ARFIP1: variants seen among roughly 807,000 people sequenced by gnomAD.
ARFIP1 encodes the protein ARF interacting protein 1, also known as arfaptin-1.
Under a neutral mutation model 42.5 loss-of-function variants are expected in ARFIP1, and 24 were observed. The observed-to-expected ratio is 0.57, with a 90% CI of 0.41 to 0.80. ARFIP1 has a LOEUF of 0.80. ARFIP1 is among the 30% of genes least tolerant of loss of function. The pLI, the probability that ARFIP1 is intolerant of heterozygous loss-of-function variation, is 0.00. For missense variants in ARFIP1, 354 were observed against 434.0 expected, an observed-to-expected ratio of 0.82 and a Z score of 1.64; for synonymous variants, 141 against 153.7, an observed-to-expected ratio of 0.92 and a Z score of 0.61.
intron 2 of ARFIP1, among the ~76,000 whole-genome samples, chr4:152,843,644 C>T (rs1732288446): frequency 1.3e-5 from 2 of 152,074 alleles, no homozygotes; most frequent in South Asian, 4.1e-4. Flanking sequence ...AGTTGTGTAC[C>T]TAGGAGGATT....
intron 7 of ARFIP1, among the ~76,000 whole-genome samples, chr4:152,884,654 T>G (rs534810687): frequency 6.6e-6 from 1 of 152,026 alleles, no homozygotes; most frequent in Non-Finnish European, 1.5e-5. Flanking sequence ...CTCTTTCCCT[T>G]CAGCTTTTAT....
intron 5 of ARFIP1, among the ~76,000 whole-genome samples, chr4:152,875,905 C>T (rs1319684010): frequency 6.6e-6 from 1 of 152,022 alleles, no homozygotes; most frequent in Non-Finnish European, 1.5e-5. Flanking sequence ...GTGAATAAGT[C>T]TCACAAGATC....
intron 1 of ARFIP1, among the ~76,000 whole-genome samples, chr4:152,824,168 C>G (rs1419336920): frequency 1.3e-5 from 2 of 151,548 alleles, no homozygotes; most frequent in African/African-American, 4.9e-5. Flanking sequence ...CAAAAATTAG[C>G]TGGAAGTGTT....
At chr4:152,850,151 C>T (rs7669242) in intron 2 of ARFIP1, among the ~76,000 whole-genome samples, 7,657 of 152,208 alleles carry the variant, frequency 0.05, 662 homozygotes, top group African/African-American at 0.17. Context: ...TAGGCAGGCT[C>T]ATGGAACAGA....
chr4:152,884,406 T>C (rs554580470), intron 7 of ARFIP1, among the ~76,000 whole-genome samples: 31 of 152,146 alleles, frequency 2.0e-4, no homozygotes, highest in South Asian at 1.0e-3. Flanking sequence ...ATTTTTCTGT[T>C]CCTTGTTCAT....
rs1390158815 is a variant in ARFIP1 at position 152,803,093 on chromosome 4, T to C, written c.-10+22867T>C. On this transcript the variant is annotated intron_variant, in intron 1 of 8. Transcript: ENST00000353617. ...AGTGGAGATTTGTCCACTGTCCAAA[T>C]TGGCCAGTATGAAGAAAGGAGGGGG... 3.3e-5 allele frequency among the ~76,000 whole-genome samples: 5 copies of C among 152,072 alleles called. No individual in the cohort carries two copies. The East Asian group carries it at 7.7e-4, about 23-fold the overall frequency.
chr4:152,827,344 A>G lies in ARFIP1; in HGVS notation c.-9-2281A>G, dbSNP rs150458370. ...GTTCCCCTGTACTGCCTGTTCCCAT[A>G]CATGCACAACTGTTGACATCCCTCG... On this transcript the variant is annotated intron_variant, in intron 1 of 8. Transcript: ENST00000353617. Among the ~76,000 whole-genome samples, 13 of 152,302 alleles carry G rather than the reference A, an allele frequency of 8.5e-5. No individual in the cohort carries two copies. In the East Asian group the frequency reaches 1.5e-3, roughly 18 times the overall value.
At chr4:152,855,066 G>A (rs765619929) in intron 2 of ARFIP1, among the ~76,000 whole-genome samples, 79 of 152,354 alleles carry the variant, frequency 5.2e-4, no homozygotes, top group Admixed American at 1.6e-3. Flanking sequence ...TGGGTCCTGA[G>A]TAGTGTGCAT....
chr4:152,791,548 C>T (rs1430245175), intron 1 of ARFIP1, among the ~76,000 whole-genome samples: 3 of 152,044 alleles, frequency 2.0e-5, no homozygotes, highest in Non-Finnish European at 2.9e-5. Flanking sequence ...GAATATAAAC[C>T]TATTTTCATT....
chr4:152,815,157 T>G (rs927762747), intron 1 of ARFIP1, among the ~76,000 whole-genome samples: 1 of 152,104 alleles, frequency 6.6e-6, no homozygotes, highest in African/African-American at 2.4e-5. Flanking sequence ...TATCCCAGAG[T>G]GTAGTTTTTA....
chr4:152,888,639 A>G (rs1236475193), intron 8 of ARFIP1, among the ~76,000 whole-genome samples: 3 of 152,172 alleles, frequency 2.0e-5, no homozygotes, highest in East Asian at 1.9e-4. Flanking sequence ...AAGCTTTTCT[A>G]TTAATGATAG....
intron 3 of ARFIP1, among the ~76,000 whole-genome samples, chr4:152,868,128 A>G (rs1734561220): frequency 6.6e-6 from 1 of 152,240 alleles, no homozygotes; most frequent in African/African-American, 2.4e-5. Context: ...TCATCTATCT[A>G]GAGCAAATTA....
At chr4:152,896,899 G>A (rs1737383976) in intron 8 of ARFIP1, among the ~76,000 whole-genome samples, 1 of 152,120 alleles carries the variant, frequency 6.6e-6, no homozygotes, top group Non-Finnish European at 1.5e-5. Flanking sequence ...CTGTGTTGGT[G>A]AGAATAGAAA....
At chr4:152,847,394 A>G (rs1049913771) in intron 2 of ARFIP1, among the ~76,000 whole-genome samples, 2 of 151,498 alleles carry the variant, frequency 1.3e-5, no homozygotes, top group Admixed American at 6.6e-5. Flanking sequence ...TGGTCCCCCA[A>G]AGTGCTGGGA....
intron 1 of ARFIP1, among the ~76,000 whole-genome samples, chr4:152,818,067 A>G (rs1392035650): frequency 6.6e-6 from 1 of 152,238 alleles, no homozygotes; most frequent in Admixed American, 6.5e-5. Flanking sequence ...AAAATTAAAA[A>G]TAGTTCTTTT....
chr4:152,824,130 T>C (rs1420381193), intron 1 of ARFIP1, among the ~76,000 whole-genome samples: 17 of 151,926 alleles, frequency 1.1e-4, no homozygotes, highest in African/African-American at 4.1e-4. Flanking sequence ...CTGGCCAACA[T>C]GGTGAAACCC....
At chr4:152,880,350 CAA>C (rs200632915) in intron 5 of ARFIP1, among the ~76,000 whole-genome samples, 43 of 125,496 alleles carry the variant, frequency 3.4e-4, no homozygotes, top group Middle Eastern at 4.5e-3. Context: ...CCATCTCAGA[CAA>C]AAAAAAAAAA....
intron 3 of ARFIP1, among the ~76,000 whole-genome samples, chr4:152,868,539 T>TA (rs2149881105): frequency 6.6e-6 from 1 of 152,330 alleles, no homozygotes; most frequent in South Asian, 2.1e-4. Context: ...AAGTCCCAGT[T>TA]ACAGCCACAC....
At chr4:152,839,441 C>A (rs1397442270) in intron 2 of ARFIP1, among the ~76,000 whole-genome samples, 1 of 152,054 alleles carries the variant, frequency 6.6e-6, no homozygotes, top group Non-Finnish European at 1.5e-5. Context: ...TTTAAAATTA[C>A]CATTTCAGTC....
Sources: allele counts gnomAD v4.1 joint callset (sites outside exome capture counted in the v4.1 genomes callset), GRCh38; gene constraint gnomAD v4.1.1; transcripts MANE v1.5; gene names NCBI Gene and HGNC (gene_info 2026-07-23, HGNC 2026-07-21).